GRID2: variants seen among roughly 807,000 people sequenced by gnomAD.
The protein encoded by GRID2 is glutamate receptor ionotropic, delta-2.
Under a neutral mutation model 114.8 loss-of-function variants are expected in GRID2, and 33 were observed. The ratio of observed to expected loss-of-function variants is 0.29; its 90% CI spans 0.22 to 0.38. The LOEUF (loss-of-function observed/expected upper bound fraction) is 0.38. Among genes scored for constraint, GRID2 ranks in the 10% least tolerant of loss-of-function variants. The probability of loss-of-function intolerance (pLI) is 1.00; values close to 1 mark genes in which losing one functional copy is unlikely to be tolerated. For missense variants in GRID2, 1,184 were observed against 1,257.7 expected (o/e 0.94, Z 0.89); for synonymous variants, 505 against 449.9 (o/e 1.12, Z -1.55).
chr4:92,443,566 G>C (rs1733250588), intron 1 of GRID2, among the ~76,000 whole-genome samples: 1 of 152,104 alleles, frequency 6.6e-6, no homozygotes, highest in African/African-American at 2.4e-5. Context: ...TCGGGACGTG[G>C]AAATAAGTGA....
At chr4:92,461,610 CT>C (rs955265816) in intron 1 of GRID2, among the ~76,000 whole-genome samples, 2 of 151,900 alleles carry the variant, frequency 1.3e-5, no homozygotes, top group Non-Finnish European at 2.9e-5. Context: ...AATAAAATGC[CT>C]TTTTTTAATA....
At chr4:93,162,650 A>G (rs1465584016) in intron 4 of GRID2, among the ~76,000 whole-genome samples, 1 of 152,026 alleles carries the variant, frequency 6.6e-6, no homozygotes, top group Non-Finnish European at 1.5e-5. Context: ...TCAACCTGGA[A>G]TCATTTTTGT....
chr4:92,892,825 A>G (rs777631207), intron 2 of GRID2, among the ~76,000 whole-genome samples: 1 of 152,210 alleles, frequency 6.6e-6, no homozygotes, highest in Non-Finnish European at 1.5e-5. Flanking sequence ...ACCATAGATT[A>G]TTACAGATTT....
intron 1 of GRID2, among the ~76,000 whole-genome samples, chr4:93,797,754 G>C (rs1271859499): frequency 6.6e-6 from 1 of 150,428 alleles, no homozygotes; most frequent in Admixed American, 6.7e-5. Context: ...TAATCAGAGA[G>C]AGAATGTTAG....
Position 93,728,298 on chromosome 4 carries a change from G to T in GRID2, c.2361-40912G>T, listed in dbSNP as rs183003826. On this transcript the variant is annotated intron_variant, in intron 14 of 15. Coordinates refer to ENST00000282020, the MANE Select transcript of GRID2 (RefSeq NM_001510.4). ...AGTTTCCATGTACTTGAGCAATTTT[G>T]AGTGAGTTTCTTAATCCTGAGTTCT... Among the ~76,000 whole-genome samples the T allele has an allele frequency of 5.9e-5, 9 of 152,248 alleles. No individual in the cohort carries two copies. The East Asian group carries it at 1.5e-3, about 26-fold the overall frequency.
intron 2 of GRID2, among the ~76,000 whole-genome samples, chr4:92,880,767 G>C (rs1433125896): frequency 6.6e-6 from 1 of 152,086 alleles, no homozygotes; most frequent in Non-Finnish European, 1.5e-5. Flanking sequence ...TTCTGCCCAG[G>C]CTGGAGTGCA....
downstream of GRID2, among the ~76,000 whole-genome samples, chr4:93,779,513 C>T (rs747169469): frequency 6.6e-5 from 10 of 152,080 alleles, no homozygotes; most frequent in Non-Finnish European, 1.3e-4. Flanking sequence ...CCAGCTTCTC[C>T]TGAGAAAGCT....
chr4:93,625,663 C>T (rs1214194633), intron 13 of GRID2, among the ~76,000 whole-genome samples: 1 of 152,202 alleles, frequency 6.6e-6, no homozygotes, highest in Non-Finnish European at 1.5e-5. Flanking sequence ...CGCCTGTAAT[C>T]TCAGCACTTT....
chr4:92,991,668 A>G (rs530646330), intron 2 of GRID2, among the ~76,000 whole-genome samples: 1 of 152,286 alleles, frequency 6.6e-6, no homozygotes, highest in East Asian at 1.9e-4. Context: ...TGTAGATCTG[A>G]GTTTCTTAAA....
intron 4 of GRID2, among the ~76,000 whole-genome samples, chr4:93,152,536 G>A (rs1467552669): frequency 2.0e-5 from 3 of 152,082 alleles, no homozygotes; most frequent in African/African-American, 7.2e-5. Flanking sequence ...AATTGAACAG[G>A]TGGATACATA....
chr4:92,920,069 T>G (rs971324989), intron 2 of GRID2, among the ~76,000 whole-genome samples: 20 of 152,300 alleles, frequency 1.3e-4, no homozygotes, highest in Non-Finnish European at 2.6e-4. Context: ...AGTTAGCTCT[T>G]CTTGTTGAAT....
chr4:92,337,823 A>G (rs537765889), intron 1 of GRID2, among the ~76,000 whole-genome samples: 5 of 152,330 alleles, frequency 3.3e-5, no homozygotes, highest in Admixed American at 3.3e-4. Context: ...TTCCAGAAGA[A>G]GTCTTTCCTG....
At chr4:92,863,856 A>G (rs1463560843) in intron 2 of GRID2, among the ~76,000 whole-genome samples, 2 of 152,094 alleles carry the variant, frequency 1.3e-5, no homozygotes, top group Non-Finnish European at 1.5e-5. Flanking sequence ...TTATTTAACT[A>G]AGATCTATGA....
chr4:93,019,305 T>G (rs975371729), intron 2 of GRID2, among the ~76,000 whole-genome samples: 6 of 152,300 alleles, frequency 3.9e-5, no homozygotes, highest in Admixed American at 2.6e-4. Flanking sequence ...TACATTTGCT[T>G]CTATCTTGGA....
chr4:92,945,474 C>T (rs1306079853), intron 2 of GRID2, among the ~76,000 whole-genome samples: 2 of 152,066 alleles, frequency 1.3e-5, no homozygotes, highest in African/African-American at 4.8e-5. Flanking sequence ...TTTTTTACAA[C>T]ATACTATTCA....
At chr4:93,293,988 G>A (rs1754021646) in intron 8 of GRID2, among the ~76,000 whole-genome samples, 1 of 152,218 alleles carries the variant, frequency 6.6e-6, no homozygotes, top group Non-Finnish European at 1.5e-5. Flanking sequence ...ATGCTGTGGG[G>A]AGAAGTAAAG....
chr4:92,829,047 T>C (rs576574259), intron 2 of GRID2, among the ~76,000 whole-genome samples: 8 of 152,308 alleles, frequency 5.3e-5, no homozygotes, highest in Admixed American at 5.2e-4. Flanking sequence ...TTTTGGCTTT[T>C]GTTGCAATTG....
At chr4:92,356,942 A>G (rs2110193979) in intron 1 of GRID2, among the ~76,000 whole-genome samples, 1 of 151,958 alleles carries the variant, frequency 6.6e-6, no homozygotes, top group Non-Finnish European at 1.5e-5. Context: ...GCAAGGTTGG[A>G]ATACCATATT....
At chr4:92,422,986 T>C (rs1380664111) in intron 1 of GRID2, among the ~76,000 whole-genome samples, 1 of 152,164 alleles carries the variant, frequency 6.6e-6, no homozygotes, top group Non-Finnish European at 1.5e-5. Context: ...GTCTCAGTCA[T>C]AATTTTGCAA....
Sources: allele counts gnomAD v4.1 joint callset (sites outside exome capture counted in the v4.1 genomes callset), GRCh38; gene constraint gnomAD v4.1.1; transcripts MANE v1.5; gene names NCBI Gene and HGNC (gene_info 2026-07-23, HGNC 2026-07-21).